The following GPC3 variants were observed in gnomAD, a reference collection of about 807,000 sequenced individuals.
GPC3 encodes the protein glypican-3.
In GPC3, 3 loss-of-function variants were observed where a neutral mutation model predicts 34.4. The observed-to-expected ratio is 0.09, with a 90% CI of 0.04 to 0.23. The LOEUF is 0.23. GPC3 is among the 10% of genes least tolerant of loss of function. GPC3 has a pLI of 1.00. For synonymous variants in GPC3, 177 were observed against 174.0 expected (o/e 1.02, Z -0.13); for missense variants, 351 against 445.6 (o/e 0.79, Z 1.91).
At chrX:133,925,109 C>G (rs766842299) in intron 2 of GPC3, among the ~76,000 whole-genome samples, 1 of 107,900 alleles carries the variant, frequency 9.3e-6, no homozygotes, top group Non-Finnish European at 1.9e-5. Flanking sequence ...ACCAGTCTAA[C>G]ATCAATCCCC....
At chrX:133,795,253 T>C (rs2075572449) in intron 2 of GPC3, among the ~76,000 whole-genome samples, 1 of 112,935 alleles carries the variant, frequency 8.9e-6, no homozygotes. Flanking sequence ...ATTCTATTTT[T>C]CAGGAACAAT....
chrX:133,670,928 A>G (rs1334041612), intron 5 of GPC3: 1 of 401,075 alleles, frequency 2.5e-6, no homozygotes, highest in Non-Finnish European at 4.4e-6. Flanking sequence ...TCTAAATAAA[A>G]ATGTCTTTCT....
chrX:133,964,390 A>T (rs931275200), intron 1 of GPC3, among the ~76,000 whole-genome samples: 1 of 112,019 alleles, frequency 8.9e-6, no homozygotes, highest in African/African-American at 3.2e-5. Flanking sequence ...CAGATCCTGC[A>T]AAAAGGTTTT....
rs188566568 is a variant in GPC3 at position 133,945,085 on chromosome X, A to G, written c.337+7965T>C. 3.5e-3 allele frequency among the ~76,000 whole-genome samples: 389 copies of G among 112,169 alleles called. 3 individuals are homozygous for G. The highest frequency in any genetic ancestry group is 0.012 in the African/African-American group (374 of 30,865). On this transcript the variant is annotated intron_variant, in intron 2 of 7. Coordinates refer to ENST00000370818, the MANE Select transcript of GPC3 (RefSeq NM_004484.4). ...AGGAGTCCAGAAAGGCTAGTATCTA[A>G]TAGGCAATTAATAATTTGAATTTGG... is the stretch of plus-strand genomic sequence containing the variant.
intron 5 of GPC3, among the ~76,000 whole-genome samples, chrX:133,667,567 T>C (rs187209515): frequency 9.0e-6 from 1 of 111,674 alleles, no homozygotes; most frequent in East Asian, 2.8e-4. Flanking sequence ...TAGCCCATAT[T>C]GGCTGGGTGT....
intron 6 of GPC3, among the ~76,000 whole-genome samples, chrX:133,639,813 T>C (rs2070464544): frequency 8.9e-6 from 1 of 111,873 alleles, no homozygotes; most frequent in African/African-American, 3.3e-5. Flanking sequence ...AAGTTACTGC[T>C]GGTCACAGTG....
chrX:133,884,126 C>A (rs1470214897), intron 2 of GPC3, among the ~76,000 whole-genome samples: 2 of 111,500 alleles, frequency 1.8e-5, no homozygotes, highest in Non-Finnish European at 3.8e-5. Flanking sequence ...AGAAAAGTTT[C>A]TAAGGGTGAT....
intron 2 of GPC3, among the ~76,000 whole-genome samples, chrX:133,775,224 G>A (rs978855471): frequency 9.2e-6 from 1 of 108,680 alleles, no homozygotes; most frequent in African/African-American, 3.4e-5. Flanking sequence ...TGCTGCCAGC[G>A]TGTTTTTTTT....
chrX:133,767,164 A>C (rs1250712838), intron 2 of GPC3, among the ~76,000 whole-genome samples: 1 of 111,819 alleles, frequency 8.9e-6, no homozygotes, highest in East Asian at 2.8e-4. Context: ...TTTGACTCTA[A>C]GTAAACTTAA....
At chrX:133,845,668 GA>G (rs773401098) in intron 2 of GPC3, among the ~76,000 whole-genome samples, 21 of 111,725 alleles carry the variant, frequency 1.9e-4, no homozygotes, top group Non-Finnish European at 3.4e-4. Context: ...TAAAGCAACA[GA>G]AACAGCACAT....
At chrX:133,890,488 C>T (rs1483222934) in intron 2 of GPC3, among the ~76,000 whole-genome samples, 1 of 110,593 alleles carries the variant, frequency 9.0e-6, no homozygotes, top group African/African-American at 3.3e-5. Context: ...GAGGCCAAGG[C>T]AGGAGGATCC....
intron 3 of GPC3, among the ~76,000 whole-genome samples, chrX:133,709,146 C>T (rs2071244323): frequency 1.8e-5 from 2 of 111,770 alleles, no homozygotes; most frequent in South Asian, 3.7e-4. Context: ...TATAATGTCT[C>T]GAATTCAGCT....
intron 1 of GPC3, among the ~76,000 whole-genome samples, 197 bp from the exon 2 acceptor site, chrX:133,953,408 TGTC>T (rs1056957888): frequency 9.0e-6 from 1 of 111,178 alleles, no homozygotes; most frequent in African/African-American, 3.3e-5. Context: ...TTCTCCCAAT[TGTC>T]CTTATGGCTG....
chrX:133,558,611 G>T (rs763320079), intron 7 of GPC3, among the ~76,000 whole-genome samples: 6 of 110,934 alleles, frequency 5.4e-5, no homozygotes, highest in African/African-American at 1.6e-4. Context: ...ATGTGTCATC[G>T]GCCAGGTGCG....
At chrX:133,655,647 C>G (rs1255022591) in intron 6 of GPC3, among the ~76,000 whole-genome samples, 1 of 111,695 alleles carries the variant, frequency 9.0e-6, no homozygotes, top group Non-Finnish European at 1.9e-5. Context: ...TTAAAGTTGA[C>G]TTTCAAAAGG....
intron 4 of GPC3, among the ~76,000 whole-genome samples, chrX:133,694,060 A>C (rs1383951974): frequency 9.0e-6 from 1 of 111,173 alleles, no homozygotes; most frequent in Non-Finnish European, 1.9e-5. Flanking sequence ...GAGGCCGCCT[A>C]ATCTTGAACT....
At chrX:133,580,392 T>C (rs1299261337) in intron 7 of GPC3, among the ~76,000 whole-genome samples, 1 of 111,995 alleles carries the variant, frequency 8.9e-6, no homozygotes, top group African/African-American at 3.2e-5. Context: ...CATGATTTCC[T>C]CAGATACTGC....
At chrX:133,885,702 G>A (rs1345642315) in intron 2 of GPC3, among the ~76,000 whole-genome samples, 1 of 111,621 alleles carries the variant, frequency 9.0e-6, no homozygotes, top group Non-Finnish European at 1.9e-5. Context: ...CAAAGACTGG[G>A]AAGAAAAAAT....
rs140853497 is a variant in GPC3, at chrX:133,750,069, C to T, written c.1032+3413G>A. ...TTTCTGGTTTAGTTCAGGCATTCCC[C>T]GGGGATGGCAGAATTCACACTCTCA... On this transcript the variant is annotated intron_variant, in intron 3 of 7. Transcript: ENST00000370818. Among the ~76,000 whole-genome samples the T allele has an allele frequency of 5.8e-3, 648 of 111,587 alleles. 3 individuals are homozygous for T. The highest frequency in any genetic ancestry group is 0.02 in the African/African-American group (607 of 30,672).
Sources: gnomAD v4.1 joint callset for allele counts (sites outside exome capture counted in the v4.1 genomes callset) on GRCh38, gnomAD v4.1.1 for gene constraint, MANE v1.5 for transcripts, NCBI Gene and HGNC (gene_info 2026-07-23, HGNC 2026-07-21) for gene names.